Variants in OTUD7A observed in about 807,000 individuals in gnomAD.
The protein encoded by OTUD7A is OTU deubiquitinase 7A, also known as OTU domain-containing protein 7A.
A neutral mutation model predicts 65.7 loss-of-function variants in OTUD7A; 12 were observed. That is an observed-to-expected ratio of 0.18 (90% CI 0.12 to 0.30). OTUD7A has a LOEUF of 0.30. Ranked by LOEUF, OTUD7A falls within the 10% of genes least tolerant of loss-of-function variation. The probability of loss-of-function intolerance (pLI) is 1.00; values close to 1 mark genes in which losing one functional copy is unlikely to be tolerated. For missense variants in OTUD7A, 1,148 were observed against 1,304.8 expected (o/e 0.88, Z 1.85); for synonymous variants, 641 against 586.3 (o/e 1.09, Z -1.35).
chr15:31,814,161 A>T (rs1340529097), intron 1 of OTUD7A, among the ~76,000 whole-genome samples: 2 of 152,228 alleles, frequency 1.3e-5, no homozygotes, highest in Non-Finnish European at 2.9e-5. Context: ...GTGCTCCACA[A>T]ACCCTCTTTC....
chr15:31,668,294 T>C (rs1376929573), intron 1 of OTUD7A, among the ~76,000 whole-genome samples: 3 of 152,206 alleles, frequency 2.0e-5, no homozygotes, highest in Non-Finnish European at 4.4e-5. Context: ...ATTCTTAGGT[T>C]TGGTTGTTTA....
chr15:31,498,713 T>C lies in OTUD7A; in HGVS notation c.1171+2977A>G, dbSNP rs1281359544. Among the ~76,000 whole-genome samples, 2 of 152,150 alleles carry C rather than the reference T, an allele frequency of 1.3e-5. No homozygotes were observed. The highest frequency in any genetic ancestry group is 2.9e-5 in the Non-Finnish European group (2 of 68,028). On this transcript the variant is annotated intron_variant, in intron 10 of 12. Coordinates refer to ENST00000307050, the MANE Select transcript of OTUD7A (RefSeq NM_001382637.1). This position sits in a 1 kb window ranked among gnomAD's most constrained non-coding sequence, Gnocchi z 4.2. ...AAAAGCTGAAGGCCCAAGGCTCAGG[T>C]TGTCAGGGAGCAAATGACTAATGTC...
At chr15:31,653,689 A>G (rs1383214749) in intron 3 of OTUD7A, among the ~76,000 whole-genome samples, 2 of 150,894 alleles carry the variant, frequency 1.3e-5, no homozygotes, top group Admixed American at 6.6e-5. Flanking sequence ...TAGTAATAAC[A>G]CAAATCCATA....
chr15:31,766,593 G>T, intron 1 of OTUD7A: 6 of 1,611,856 alleles, frequency 3.7e-6, no homozygotes, highest in Non-Finnish European at 5.1e-6. Flanking sequence ...GGTAATTTCA[G>T]CCACTGGTGT....
At chr15:31,767,112 T>G (rs1451444276) in intron 1 of OTUD7A, 1 of 1,551,120 alleles carries the variant, frequency 6.4e-7, no homozygotes, top group East Asian at 2.2e-5. Context: ...AATCTGATTC[T>G]TCTTTATTTT....
intron 1 of OTUD7A, among the ~76,000 whole-genome samples, chr15:31,802,688 C>T (rs769864895): frequency 2.6e-4 from 39 of 152,182 alleles, no homozygotes; most frequent in African/African-American, 7.7e-4. Context: ...GGATTAAGAA[C>T]GCTTTGAGGT....
chr15:31,527,870 C>G (rs2042035424), intron 6 of OTUD7A, among the ~76,000 whole-genome samples: 2 of 152,256 alleles, frequency 1.3e-5, no homozygotes. Context: ...CACCCTGTGC[C>G]AGGTGCTGAG....
At chr15:31,648,332 C>T (rs1352280617) in intron 3 of OTUD7A, among the ~76,000 whole-genome samples, 3 of 152,154 alleles carry the variant, frequency 2.0e-5, no homozygotes, top group Admixed American at 6.5e-5. Flanking sequence ...AAGTTTAAGT[C>T]ACAGAATAGA....
intron 1 of OTUD7A, among the ~76,000 whole-genome samples, chr15:31,684,295 T>C (rs879178968): frequency 1.8e-4 from 28 of 152,140 alleles, no homozygotes; most frequent in Non-Finnish European, 2.4e-4. Context: ...TGGGAGAAGC[T>C]GGCAAAGATG....
At chr15:31,537,543 G>A (rs951680370) in intron 5 of OTUD7A, among the ~76,000 whole-genome samples, 6 of 152,182 alleles carry the variant, frequency 3.9e-5, no homozygotes, top group African/African-American at 4.8e-5. Context: ...GACGTCATTG[G>A]AAAAAACACG....
chr15:31,523,833 G>T (rs961926237), intron 8 of OTUD7A, among the ~76,000 whole-genome samples: 6 of 152,236 alleles, frequency 3.9e-5, no homozygotes, highest in East Asian at 1.9e-4. Context: ...GTGCACAAAG[G>T]CCTCTCTTGT....
intron 1 of OTUD7A, among the ~76,000 whole-genome samples, chr15:31,671,008 A>G (rs556641372): frequency 1.1e-4 from 17 of 152,098 alleles, no homozygotes; most frequent in Admixed American, 7.8e-4. Flanking sequence ...AAAAAAAAAA[A>G]TCTTCTCCCA....
At chr15:31,679,007 G>A (rs1386265617) in intron 1 of OTUD7A, among the ~76,000 whole-genome samples, 1 of 152,256 alleles carries the variant, frequency 6.6e-6, no homozygotes, top group African/African-American at 2.4e-5. Context: ...GCCCAAGGCT[G>A]TAGGAGCTCA....
intron 8 of OTUD7A, among the ~76,000 whole-genome samples, chr15:31,505,666 T>C (rs2041550002): frequency 6.6e-6 from 1 of 152,154 alleles, no homozygotes; most frequent in Admixed American, 6.5e-5. Flanking sequence ...GATAAGTTTT[T>C]GTATAAAATT....
intron 3 of OTUD7A, among the ~76,000 whole-genome samples, chr15:31,651,831 GA>G (rs1218652404): frequency 3.3e-5 from 5 of 151,812 alleles, no homozygotes; most frequent in African/African-American, 1.2e-4. Context: ...AAATGTTGAC[GA>G]AAGAACTTAA....
Position 31,483,087 on chromosome 15 carries a change from G to T in OTUD7A, c.*207C>A. ...TAGGCTAGCACACCCACTTCCAACA[G>T]TATGACTTGTTTCCTATCCGTCTAC... On this transcript the variant is annotated 3_prime_UTR_variant, in exon 13 of 13. Transcript: ENST00000307050. 3.3e-6 allele frequency: 1 copy of T among 307,510 alleles called. No homozygotes were observed. The highest frequency in any genetic ancestry group is 4.9e-6 in the Non-Finnish European group (1 of 205,038). The allele number at this position is 307,510 out of a possible 1,614,324, so 19.0% of individuals were successfully genotyped here. A position where few individuals can be genotyped will look rare whatever the true frequency, so the allele number is the denominator to read the frequency against.
intron 3 of OTUD7A, among the ~76,000 whole-genome samples, chr15:31,616,003 G>A (rs1421276708): frequency 6.6e-6 from 1 of 152,236 alleles, no homozygotes; most frequent in Non-Finnish European, 1.5e-5. Flanking sequence ...TCACTGTTCT[G>A]ATGAGGTATG....
intron 3 of OTUD7A, among the ~76,000 whole-genome samples, chr15:31,631,797 CT>C (rs1215689485): frequency 6.6e-6 from 1 of 152,084 alleles, no homozygotes; most frequent in Non-Finnish European, 1.5e-5. Flanking sequence ...TCTTTTTATT[CT>C]TTTTTCTCTA....
intron 1 of OTUD7A, among the ~76,000 whole-genome samples, chr15:31,717,586 C>T (rs978476116): frequency 3.3e-5 from 5 of 152,176 alleles, no homozygotes; most frequent in African/African-American, 1.2e-4. Flanking sequence ...TTTTTCATGG[C>T]TGCATAGTAT....
Sources: gnomAD v4.1 joint callset for allele counts (sites outside exome capture counted in the v4.1 genomes callset) on GRCh38, gnomAD v4.1.1 for gene constraint, Gnocchi (gnomAD v3.1) non-coding constraint, MANE v1.5 for transcripts, NCBI Gene and HGNC (gene_info 2026-07-23, HGNC 2026-07-21) for gene names.